PDE11A: variants seen among roughly 807,000 people sequenced by gnomAD.
PDE11A encodes the protein dual 3',5'-cyclic-AMP and -GMP phosphodiesterase 11A.
In PDE11A, 100 loss-of-function variants were observed where a neutral mutation model predicts 100.5. The observed-to-expected ratio is 1.00, with a 90% CI of 0.85 to 1.18. The LOEUF (loss-of-function observed/expected upper bound fraction) is 1.18, where lower values mean the gene tolerates loss of function less well. Among genes scored for constraint, PDE11A ranks in the 50% most tolerant of loss-of-function variants. PDE11A has a pLI of 0.00. For synonymous variants in PDE11A, 381 were observed against 420.8 expected, an observed-to-expected ratio of 0.91 and a Z score of 1.16; for missense variants, 1,141 against 1,152.6, an observed-to-expected ratio of 0.99 and a Z score of 0.15.
chr2:177,939,429 A>G lies in PDE11A; in HGVS notation c.1072-34242T>C, dbSNP rs560551336. On this transcript the variant is annotated intron_variant, in intron 2 of 19. Coordinates refer to ENST00000286063, the MANE Select transcript of PDE11A (RefSeq NM_016953.4). The stretch of plus-strand genomic sequence containing the variant: ...GAAGGAGGGAAGGAAGAAGGAAGGG[A>G]GGAGGAAGGGAGGAAGAAAGGAAGG... Among the ~76,000 whole-genome samples, 602 of 135,936 alleles carry G rather than the reference A, an allele frequency of 4.4e-3. 4 individuals carry two copies. The highest frequency in any genetic ancestry group is 0.015 in the African/African-American group (557 of 36,560). The allele number at this position is 135,936 out of a possible 152,430, so 89.2% of individuals were successfully genotyped here.
At chr2:178,077,362 A>G (rs1005073320), upstream of PDE11A, among the ~76,000 whole-genome samples, 4 of 150,126 alleles carry the variant, frequency 2.7e-5, no homozygotes, top group African/African-American at 9.9e-5. Flanking sequence ...CTACTGCAAA[A>G]TATTTGCTCC....
At chr2:177,887,865 C>T (rs1462286441) in intron 4 of PDE11A, among the ~76,000 whole-genome samples, 1 of 152,074 alleles carries the variant, frequency 6.6e-6, no homozygotes. Flanking sequence ...GGACGTGCTG[C>T]CTAGTGCACT....
intron 9 of PDE11A, among the ~76,000 whole-genome samples, 189 bp downstream of exon 9, chr2:177,816,640 T>C (rs1174867650): frequency 6.6e-6 from 1 of 152,190 alleles, no homozygotes; most frequent in Non-Finnish European, 1.5e-5. Flanking sequence ...AAGGCATCTG[T>C]GAACCCCTGA....
In PDE11A at chr2:178,043,205, C is replaced by T. The variant is rs576078097; in HGVS notation, c.912+28321G>A. 5.3e-5 allele frequency among the ~76,000 whole-genome samples: 8 copies of T among 152,200 alleles called. No individual in the cohort carries two copies. In the East Asian group the frequency reaches 7.7e-4, roughly 15 times the overall value. On this transcript the variant is annotated intron_variant, in intron 1 of 19. Transcript: ENST00000286063. ...TGTACATTTTTAATAAGAATCAATGCTATTTCCCTAACAGACAGTATCTGT... is the reference window on the plus strand; with the variant it reads ...TGTACATTTTTAATAAGAATCAATGTTATTTCCCTAACAGACAGTATCTGT...
intron 1 of PDE11A, among the ~76,000 whole-genome samples, chr2:178,071,292 T>C (rs2087123907): frequency 6.6e-6 from 1 of 152,070 alleles, no homozygotes; most frequent in South Asian, 2.1e-4. Context: ...GAGAAATACG[T>C]GGTGTTATTG....
At chr2:177,998,693 A>G (rs1011837702) in intron 2 of PDE11A, 2 of 1,145,556 alleles carry the variant, frequency 1.7e-6, no homozygotes, top group Non-Finnish European at 2.6e-6. Flanking sequence ...CTTGATAGGC[A>G]TCTTTATGCT....
intron 2 of PDE11A, chr2:177,998,064 G>A (rs1403417363): frequency 7.7e-7 from 1 of 1,298,146 alleles, no homozygotes; most frequent in Non-Finnish European, 1.1e-6. Context: ...GTAAGAGCCT[G>A]CCCACACACT....
intron 1 of PDE11A, among the ~76,000 whole-genome samples, chr2:178,033,624 GA>G (rs1463797516): frequency 1.3e-5 from 2 of 152,068 alleles, no homozygotes; most frequent in African/African-American, 2.4e-5. Context: ...TGAAACAAAG[GA>G]AAAAATGTTA....
chr2:177,735,310 G>A (rs1211973434), intron 10 of PDE11A, among the ~76,000 whole-genome samples: 2 of 152,018 alleles, frequency 1.3e-5, no homozygotes, highest in African/African-American at 4.8e-5. Flanking sequence ...AAAGGTCATA[G>A]AGAATGTATC....
At chr2:177,972,738 C>T (rs2085788135) in intron 2 of PDE11A, among the ~76,000 whole-genome samples, 1 of 152,038 alleles carries the variant, frequency 6.6e-6, no homozygotes, top group Non-Finnish European at 1.5e-5. Flanking sequence ...GGGACAGAGG[C>T]TAAGAAGTTA....
At chr2:178,021,018 A>G (rs2086404889) in intron 1 of PDE11A, among the ~76,000 whole-genome samples, 1 of 142,752 alleles carries the variant, frequency 7.0e-6, no homozygotes, top group East Asian at 2.1e-4. Flanking sequence ...CTGGAGTGCA[A>G]TGGTGCAATC....
intron 2 of PDE11A, among the ~76,000 whole-genome samples, chr2:177,963,558 A>C (rs2085661460): frequency 6.6e-6 from 1 of 152,350 alleles, no homozygotes; most frequent in South Asian, 2.1e-4. Context: ...ACCTAGCCAC[A>C]GTTCAGCTTC....
At chr2:177,874,228 C>T (rs1439563004) in intron 5 of PDE11A, among the ~76,000 whole-genome samples, 2 of 152,302 alleles carry the variant, frequency 1.3e-5, no homozygotes, top group East Asian at 3.9e-4. Flanking sequence ...GTTACTTAAA[C>T]TTGATGAACC....
At chr2:177,881,044 G>C (rs1400966027) in intron 4 of PDE11A, among the ~76,000 whole-genome samples, 1 of 152,156 alleles carries the variant, frequency 6.6e-6, no homozygotes, top group Non-Finnish European at 1.5e-5. Flanking sequence ...ATTGAGTAAA[G>C]AAGATTGTCC....
intron 9 of PDE11A, among the ~76,000 whole-genome samples, chr2:177,806,372 C>G (rs1181076234): frequency 6.6e-6 from 1 of 152,162 alleles, no homozygotes; most frequent in Non-Finnish European, 1.5e-5. Context: ...TCTTCATAAT[C>G]TCTTTTTAAA....
intron 19 of PDE11A, among the ~76,000 whole-genome samples, chr2:177,660,669 C>T (rs750128293): frequency 2.0e-5 from 3 of 152,098 alleles, no homozygotes; most frequent in African/African-American, 4.8e-5. Flanking sequence ...CAAAATATAC[C>T]GGTGCAGGTG....
chr2:177,632,649 T>C lies in PDE11A; in HGVS notation c.2647-3087A>G, dbSNP rs113381050. Among the ~76,000 whole-genome samples, 828 of 152,310 alleles carry C rather than the reference T, an allele frequency of 5.4e-3. 8 individuals are homozygous for C. Among genetic ancestry groups the C allele is most frequent in the African/African-American group, 0.019 (787 of 41,556 alleles). On this transcript the variant is annotated intron_variant, in intron 19 of 19. Transcript: ENST00000286063. ...CTTCCTTGTACTCTCTGACTTCTTC[T>C]TGAGTCTATTTGGCCCTCTTGACTC...
intron 5 of PDE11A, among the ~76,000 whole-genome samples, chr2:177,845,253 AG>A (rs1475591151): frequency 2.0e-5 from 3 of 149,520 alleles, no homozygotes; most frequent in Non-Finnish European, 4.4e-5. Flanking sequence ...TGCCGGGCGG[AG>A]GGGCTCCTCA....
chr2:177,624,402 G>A lies in PDE11A; in HGVS notation c.*5005C>T, dbSNP rs1390037298. On this transcript the variant is annotated 3_prime_UTR_variant, in exon 20 of 20. Coordinates refer to ENST00000286063, the MANE Select transcript of PDE11A (RefSeq NM_016953.4). ...GTTTTTGTCTTTCTGCAATTTCTAA[G>A]AGTCAGCAGGAAAAATAGATTTTAA... The A allele has an allele frequency of 6.6e-6, 1 of 152,014 alleles. No homozygotes were observed. Among genetic ancestry groups the A allele is most frequent in the African/African-American group, 2.4e-5 (1 of 41,414 alleles). 9.4% of individuals were successfully genotyped at this position (152,014 alleles called of 1,614,324 possible). A position where few individuals can be genotyped will look rare whatever the true frequency, so the allele number is the denominator to read the frequency against.
Sources: allele counts gnomAD v4.1 joint callset (sites outside exome capture counted in the v4.1 genomes callset), GRCh38; gene constraint gnomAD v4.1.1; transcripts MANE v1.5; gene names NCBI Gene and HGNC (gene_info 2026-07-23, HGNC 2026-07-21).